The following TRAF3IP1 variants were observed in gnomAD, a reference collection of about 807,000 sequenced individuals.
TRAF3IP1 encodes intraflagellar transport 54, also known as TRAF3-interacting protein 1.
In TRAF3IP1, 53 loss-of-function variants were observed where a neutral mutation model predicts 89.9. The observed-to-expected ratio is 0.59, with a 90% CI of 0.47 to 0.74. TRAF3IP1 has a LOEUF of 0.74. Ranked by LOEUF, TRAF3IP1 falls within the 30% of genes least tolerant of loss-of-function variation. The pLI, the probability that TRAF3IP1 is intolerant of heterozygous loss-of-function variation, is 0.00. For missense variants in TRAF3IP1, 806 were observed against 866.1 expected, an observed-to-expected ratio of 0.93 and a Z score of 0.87; for synonymous variants, 311 against 322.1, an observed-to-expected ratio of 0.97 and a Z score of 0.37.
At chr2:238,348,405 A>G (rs2106391899) in intron 10 of TRAF3IP1, among the ~76,000 whole-genome samples, 2 of 152,300 alleles carry the variant, frequency 1.3e-5, no homozygotes, top group South Asian at 4.1e-4. Context: ...GATTGTCAGT[A>G]TTACCAGTGA....
chr2:238,325,996 AACTT>A (rs1215027555), intron 3 of TRAF3IP1, 26 bp downstream of exon 3: 1 of 1,599,600 alleles, frequency 6.3e-7, no homozygotes, highest in South Asian at 1.1e-5. Flanking sequence ...TGGCATTTTG[AACTT>A]ACTTAGTACT....
intron 15 of TRAF3IP1, among the ~76,000 whole-genome samples, chr2:238,374,590 C>CT (rs1421477220): frequency 1.3e-5 from 2 of 152,112 alleles, no homozygotes; most frequent in African/African-American, 2.4e-5. Context: ...CTAAAACTCT[C>CT]TTTTTTTGTT....
intron 15 of TRAF3IP1, among the ~76,000 whole-genome samples, chr2:238,386,251 T>G (rs1700762027): frequency 2.0e-5 from 3 of 152,118 alleles, no homozygotes; most frequent in Admixed American, 2.0e-4. Flanking sequence ...GTAAAACTGG[T>G]CTTAGAGTTA....
In TRAF3IP1 at chr2:238,356,031, C is replaced by T. The variant is rs141425726; in HGVS notation, c.1640C>T (p.Thr547Met). The change falls in exon 15 of 17, where the codon ACG becomes ATG. Residue 547 changes from threonine to methionine, a missense_variant. This residue lies in a region of TRAF3IP1 where 732 missense variants were observed against 780.5 expected (regional missense o/e 0.94). Coordinates refer to ENST00000373327, the MANE Select transcript of TRAF3IP1 (RefSeq NM_015650.4). ...HGGLVKKILE[T>M]KKDYEKLQQS... is the part of the protein sequence containing the mutation. ...GGACTTGTGAAAAAAATTTTGGAGA[C>T]GAAGAAAGATTATGAGAAATTGCAG... is the stretch of plus-strand genomic sequence containing the variant. The T allele has an allele frequency of 7.5e-5, 121 of 1,613,332 alleles. No homozygotes were observed. Among genetic ancestry groups the T allele is most frequent in the Non-Finnish European group, 9.4e-5 (111 of 1,179,638 alleles).
intron 8 of TRAF3IP1, 58 bp from the exon 9 acceptor site, chr2:238,344,439 G>T: frequency 7.3e-7 from 1 of 1,378,916 alleles, no homozygotes; most frequent in Non-Finnish European, 1.0e-6. Flanking sequence ...TGAAGCCGCT[G>T]ATCACCGGCC....
rs577071582 is a variant in TRAF3IP1, at chr2:238,333,001, G to T, written c.987+106G>T. The T allele has an allele frequency of 8.4e-5, 68 of 805,854 alleles. No individual in the cohort carries two copies. The South Asian group carries it at 1.0e-3, about 12-fold the overall frequency. 49.9% of individuals were successfully genotyped at this position (805,854 alleles called of 1,614,324 possible). A position where few individuals can be genotyped will look rare whatever the true frequency, so the allele number is the denominator to read the frequency against. On this transcript the variant is annotated intron_variant, in intron 6 of 16. Transcript: ENST00000373327. Reference sequence around the variant, plus strand: ...CACTGAGGCATGGAAGGAGCACATGGTCTGGGCCTATCTGTAATAGGTCCA... The same window carrying T: ...CACTGAGGCATGGAAGGAGCACATGTTCTGGGCCTATCTGTAATAGGTCCA...
Position 238,344,557 on chromosome 2 carries a change from G to T in TRAF3IP1, c.1220G>T (p.Arg407Leu). 6.2e-7 allele frequency: 1 copy of T among 1,614,168 alleles called. No homozygotes were observed. Among genetic ancestry groups the T allele is most frequent in the Non-Finnish European group, 8.5e-7 (1 of 1,180,024 alleles). ...SISDDNSASL[R>L]CENIQPNPTE... Reference sequence around the variant, plus strand: ...TCAGATGATAATTCAGCTAGTCTGCGGTGTGAGAATATTCAGCCCAACCCC... The same window carrying T: ...TCAGATGATAATTCAGCTAGTCTGCTGTGTGAGAATATTCAGCCCAACCCC... The change falls in exon 9 of 17, where the codon CGG becomes CTG. Residue 407 changes from arginine to leucine, a missense_variant. Physicochemically the swap from Arg to Leu is moderately radical, Grantham distance 102. Around this residue, in one of 3 missense-constraint regions of TRAF3IP1, gnomAD observed 732 missense variants for 780.5 expected, o/e 0.94. Transcript: ENST00000373327.
chr2:238,386,398 C>T (rs1274814353), intron 15 of TRAF3IP1, among the ~76,000 whole-genome samples: 4 of 152,132 alleles, frequency 2.6e-5, no homozygotes, highest in African/African-American at 7.2e-5. Flanking sequence ...CTGCAACCTC[C>T]GCCTCCCAGG....
At chr2:238,356,937 C>T (rs532345814) in intron 15 of TRAF3IP1, among the ~76,000 whole-genome samples, 2 of 152,176 alleles carry the variant, frequency 1.3e-5, no homozygotes, top group South Asian at 4.2e-4. Context: ...CGACACTGCT[C>T]CTAGCTAATA....
intron 7 of TRAF3IP1, among the ~76,000 whole-genome samples, chr2:238,335,392 T>C (rs910717368): frequency 2.0e-5 from 3 of 152,232 alleles, no homozygotes; most frequent in Non-Finnish European, 4.4e-5. Flanking sequence ...GCTTCTCTCC[T>C]GCTCTGTGAA....
At position 238,390,821 on chromosome 2, in the gene TRAF3IP1, G is replaced by A. The variant is rs1700964934; in HGVS notation, c.1690-6638G>A. Among the ~76,000 whole-genome samples, 7 of 152,136 alleles carry A rather than the reference G, an allele frequency of 4.6e-5. No individual in the cohort carries two copies. In the South Asian group the frequency reaches 1.5e-3, roughly 32 times the overall value. ...TTCCAAGGTCATAAAGTTAGGAGGTGGTGAGGCTGGGTTGTACCAGCCCCT... is the reference window on the plus strand; with the variant it reads ...TTCCAAGGTCATAAAGTTAGGAGGTAGTGAGGCTGGGTTGTACCAGCCCCT... On this transcript the variant is annotated intron_variant, in intron 15 of 16. Coordinates refer to ENST00000373327, the MANE Select transcript of TRAF3IP1 (RefSeq NM_015650.4).
At chr2:238,389,583 A>G (rs1700911741) in intron 15 of TRAF3IP1, among the ~76,000 whole-genome samples, 2 of 151,968 alleles carry the variant, frequency 1.3e-5, no homozygotes, top group Non-Finnish European at 2.9e-5. Context: ...CCCCATCTCT[A>G]CTAAAAATAC....
intron 15 of TRAF3IP1, among the ~76,000 whole-genome samples, chr2:238,366,221 G>A (rs763094287): frequency 1.3e-5 from 2 of 152,060 alleles, no homozygotes; most frequent in African/African-American, 2.4e-5. Context: ...GGGCGACAAA[G>A]CAAGACTCCA....
rs12464423 is a variant in TRAF3IP1 at position 238,329,312 on chromosome 2, G to T, written c.885G>T (p.Lys295Asn). Residue 295 changes from lysine (K) to asparagine (N), a missense_variant, in exon 5 of 17, where the codon AAG becomes AAT. Transcript: ENST00000373327. ...ACTCCTGGGACCTGGACAGGGAGAA[G>T]AACAGAGAGCATGACAAACCTGAGA... ...GEHSWDLDRE[K>N]NREHDKPEKK... The T allele has an allele frequency of 0.29, 412,541 of 1,409,052 alleles. 63,095 individuals are homozygous for T. The highest frequency in any genetic ancestry group is 0.4 in the Middle Eastern group (2,069 of 5,234). The allele number at this position is 1,409,052 out of a possible 1,614,324, so 87.3% of individuals were successfully genotyped here.
intron 15 of TRAF3IP1, among the ~76,000 whole-genome samples, chr2:238,370,087 T>A (rs145874684): frequency 1.3e-5 from 2 of 152,322 alleles, no homozygotes; most frequent in East Asian, 3.9e-4. Context: ...GAATGGAGTG[T>A]TTGCCACTTT....
chr2:238,359,038 TA>T (rs1699547917), intron 15 of TRAF3IP1, among the ~76,000 whole-genome samples: 1 of 152,244 alleles, frequency 6.6e-6, no homozygotes, highest in African/African-American at 2.4e-5. Context: ...TTAGACCATG[TA>T]AATGAGCATG....
intron 15 of TRAF3IP1, among the ~76,000 whole-genome samples, chr2:238,361,195 C>T (rs145862931): frequency 0.016 from 2,384 of 151,732 alleles, 17 homozygotes; most frequent in Non-Finnish European, 0.024. Flanking sequence ...TACAGGCACA[C>T]GCTACCACAC....
intron 8 of TRAF3IP1, 70 bp from the exon 9 acceptor site, chr2:238,344,427 A>T: frequency 8.2e-7 from 1 of 1,219,898 alleles, no homozygotes; most frequent in Non-Finnish European, 1.2e-6. Context: ...GCTCTATGTT[A>T]ATGAAGCCGC....
intron 15 of TRAF3IP1, among the ~76,000 whole-genome samples, chr2:238,364,448 A>G (rs2106341964): frequency 6.6e-6 from 1 of 152,066 alleles, no homozygotes; most frequent in East Asian, 1.9e-4. Context: ...GTTTTTGAAA[A>G]ACCATCAAAA....
Sources: gnomAD v4.1 joint callset for allele counts (sites outside exome capture counted in the v4.1 genomes callset) on GRCh38, gnomAD v4.1.1 for gene constraint, gnomAD v4.1.1 regional missense constraint, MANE v1.5 for transcripts, NCBI Gene and HGNC (gene_info 2026-07-23, HGNC 2026-07-21) for gene names.